The following NKD1 variants were observed in gnomAD, a reference collection of about 807,000 sequenced individuals.
The protein encoded by NKD1 is protein naked cuticle homolog 1.
Under a neutral mutation model 56.0 loss-of-function variants are expected in NKD1, and 21 were observed. The observed-to-expected ratio is 0.38, with a 90% confidence interval of 0.27 to 0.54. The LOEUF is 0.54. Among genes scored for constraint, NKD1 ranks in the 20% least tolerant of loss-of-function variants. NKD1 has a pLI of 0.82. For synonymous variants in NKD1, 263 were observed against 265.7 expected (o/e 0.99, Z 0.10); for missense variants, 578 against 642.7 (o/e 0.90, Z 1.09).
intron 3 of NKD1, among the ~76,000 whole-genome samples, chr16:50,589,247 C>G (rs1340176866): frequency 6.6e-6 from 1 of 152,150 alleles, no homozygotes; most frequent in African/African-American, 2.4e-5. Flanking sequence ...TACTATTTCT[C>G]ATAGAACATT....
At chr16:50,555,545 G>A (rs1237100259) in intron 3 of NKD1, 1 of 152,484 alleles carries the variant, frequency 6.6e-6, no homozygotes, top group Non-Finnish European at 1.5e-5. Context: ...GGGCTGCGGA[G>A]GACCTGTGGG....
intron 3 of NKD1, chr16:50,574,710 AGG>A: frequency 1.0e-6 from 1 of 985,402 alleles, no homozygotes; most frequent in South Asian, 4.7e-5. Flanking sequence ...AGGCCCTCTG[AGG>A]GAGGCGCTTG....
intron 4 of NKD1, among the ~76,000 whole-genome samples, chr16:50,620,738 G>A (rs908245638): frequency 8.5e-5 from 13 of 152,102 alleles, no homozygotes; most frequent in African/African-American, 2.2e-4. Flanking sequence ...CTTTGTAGTC[G>A]GGATCCTAGG....
At chr16:50,580,136 C>A (rs887341351) in intron 3 of NKD1, among the ~76,000 whole-genome samples, 1 of 152,260 alleles carries the variant, frequency 6.6e-6, no homozygotes, top group Non-Finnish European at 1.5e-5. Flanking sequence ...CTCTCAGTCC[C>A]GTGGACTATG....
intron 4 of NKD1, among the ~76,000 whole-genome samples, chr16:50,609,863 A>C (rs1961803860): frequency 1.3e-5 from 2 of 152,338 alleles, no homozygotes; most frequent in Admixed American, 6.5e-5. Flanking sequence ...GTGTGCATAC[A>C]GTCTGGTATC....
At chr16:50,574,346 G>T (rs959206501) in intron 3 of NKD1, 1 of 985,294 alleles carries the variant, frequency 1.0e-6, no homozygotes, top group South Asian at 4.7e-5. Flanking sequence ...TCCTGGGAGG[G>T]CCTGTTTAGT....
chr16:50,622,058 A>G (rs1297270991), intron 5 of NKD1, among the ~76,000 whole-genome samples: 1 of 152,124 alleles, frequency 6.6e-6, no homozygotes, highest in African/African-American at 2.4e-5. Context: ...CTTCCCTTCC[A>G]ACTCTTGAGG....
chr16:50,594,402 G>A (rs1054161465), intron 3 of NKD1, among the ~76,000 whole-genome samples: 2 of 152,310 alleles, frequency 1.3e-5, no homozygotes, highest in South Asian at 2.1e-4. Flanking sequence ...AACTACCCGC[G>A]TAGTTCAGGG....
rs1275737001 is a variant in NKD1, at chr16:50,634,309, G to A, written c.*528G>A. ...CAGAGTGCGAACGTCTTGCTGTTGTGTTTTTATGTCCCAACCTAGAAACCT... is the reference window on the plus strand; with the variant it reads ...CAGAGTGCGAACGTCTTGCTGTTGTATTTTTATGTCCCAACCTAGAAACCT... On this transcript the variant is annotated 3_prime_UTR_variant, in exon 10 of 10. Coordinates refer to ENST00000268459, the MANE Select transcript of NKD1 (RefSeq NM_033119.5). 1 of 152,818 alleles carries A rather than the reference G, an allele frequency of 6.5e-6. No individual in the cohort carries two copies. Among genetic ancestry groups the A allele is most frequent in the Non-Finnish European group, 1.5e-5 (1 of 68,082 alleles). The allele number at this position is 152,818 out of a possible 1,614,324, so 9.5% of individuals were successfully genotyped here.
intron 3 of NKD1, among the ~76,000 whole-genome samples, chr16:50,603,820 C>T (rs1437007735): frequency 1.3e-5 from 2 of 152,176 alleles, no homozygotes; most frequent in Non-Finnish European, 2.9e-5. Flanking sequence ...ACCCTGTGCC[C>T]GGAGGAGCTG....
intron 3 of NKD1, among the ~76,000 whole-genome samples, chr16:50,585,354 A>G (rs1404000347): frequency 1.3e-5 from 2 of 152,158 alleles, no homozygotes; most frequent in Non-Finnish European, 2.9e-5. Flanking sequence ...TGGTGGGAGC[A>G]GAGGAGAAGG....
chr16:50,583,083 G>A (rs374788164), intron 3 of NKD1, among the ~76,000 whole-genome samples: 23 of 152,332 alleles, frequency 1.5e-4, no homozygotes, highest in East Asian at 1.2e-3. Flanking sequence ...AGGGGGCCGC[G>A]TGTAGGAGGT....
chr16:50,591,593 C>G (rs182000693), intron 3 of NKD1, among the ~76,000 whole-genome samples: 15 of 152,334 alleles, frequency 9.8e-5, no homozygotes, highest in Admixed American at 2.0e-4. Flanking sequence ...CATGCTTCCT[C>G]TTTTTGTACA....
intron 5 of NKD1, chr16:50,625,171 G>T: frequency 2.5e-6 from 1 of 402,768 alleles, no homozygotes; most frequent in Non-Finnish European, 4.6e-6. Flanking sequence ...CTTGCCCTTG[G>T]TCCAAGTTCA....
In NKD1 at chr16:50,646,253, G is replaced by A. The variant is rs933162747; in HGVS notation, c.*12472G>A. On this transcript the variant is annotated 3_prime_UTR_variant, in exon 10 of 10. Transcript: ENST00000268459. The stretch of plus-strand genomic sequence containing the variant: ...GAACATTTTTTATGGGCAGATAAGT[G>A]GGTCCTTTTCTTACCATAACTTAGA... The A allele has an allele frequency of 6.6e-6, 1 of 152,024 alleles. No individual in the cohort carries two copies. The highest frequency in any genetic ancestry group is 2.4e-5 in the African/African-American group (1 of 41,384). The allele number at this position is 152,024 out of a possible 1,614,324, so 9.4% of individuals were successfully genotyped here.
At chr16:50,550,086 C>T (rs1960345201) in intron 3 of NKD1, among the ~76,000 whole-genome samples, 1 of 151,994 alleles carries the variant, frequency 6.6e-6, no homozygotes, top group South Asian at 2.1e-4. Flanking sequence ...AGACCCCTTA[C>T]TTGGCATATG....
intron 2 of NKD1, chr16:50,549,038 C>G (rs1413536062): frequency 2.8e-6 from 1 of 356,554 alleles, no homozygotes; most frequent in African/African-American, 2.3e-5. Flanking sequence ...AAGCGCCTCC[C>G]CGCAAGACCC....
chr16:50,598,229 CTG>C lies in NKD1; in HGVS notation c.193-10032_193-10031del, dbSNP rs5816707. Among the ~76,000 whole-genome samples the C allele has an allele frequency of 0.029, 4,224 of 143,576 alleles. 113 individuals are homozygous for C. Among genetic ancestry groups the C allele is most frequent in the African/African-American group, 0.076 (2,891 of 37,936 alleles). The allele number at this position is 143,576 out of a possible 152,430, so 94.2% of individuals were successfully genotyped here. On this transcript the variant is annotated intron_variant, in intron 3 of 9. Transcript: ENST00000268459. This position sits in a 1 kb window ranked among gnomAD's most constrained non-coding sequence, Gnocchi z 4.2. ...CACTGCAGGGCCGCATGGGTGGACT[CTG>C]TGTGTGTGTGTGTGTGTGTGTGTGT...
At position 50,633,653 on chromosome 16, in the gene NKD1, C is replaced by A; in HGVS notation, c.1285C>A (p.Arg429=). ...PLASGGPVLG[R]EHLRELPALV... ...GGCCTCAGGTGGCCCTGTCCTGGGG[C>A]GGGAGCACCTGCGGGAGCTGCCCGC... The change falls in exon 10 of 10, where the codon CGG becomes AGG. Residue 429 remains arginine, a synonymous_variant. Coordinates refer to ENST00000268459, the MANE Select transcript of NKD1 (RefSeq NM_033119.5). The surrounding 1 kb of genome is among the most constrained non-coding windows in gnomAD (Gnocchi z 4.9). 6.2e-7 allele frequency: 1 copy of A among 1,605,684 alleles called. No individual in the cohort carries two copies. The highest frequency in any genetic ancestry group is 1.1e-5 in the South Asian group (1 of 90,052).
Sources: allele counts gnomAD v4.1 joint callset (sites outside exome capture counted in the v4.1 genomes callset), GRCh38; gene constraint gnomAD v4.1.1; non-coding constraint Gnocchi (gnomAD v3.1); transcripts MANE v1.5; gene names NCBI Gene and HGNC (gene_info 2026-07-23, HGNC 2026-07-21).